PARD3: variants seen among roughly 807,000 people sequenced by gnomAD.
The protein encoded by PARD3 is partitioning defective 3 homolog.
A neutral mutation model predicts 155.4 loss-of-function variants in PARD3; 75 were observed. The ratio of observed to expected loss-of-function variants is 0.48; its 90% CI spans 0.40 to 0.58. The LOEUF (loss-of-function observed/expected upper bound fraction) is 0.58. PARD3 is among the 20% of genes least tolerant of loss of function. The pLI, the probability that PARD3 is intolerant of heterozygous loss-of-function variation, is 0.00. For missense variants in PARD3, 1,642 were observed against 1,721.7 expected, an observed-to-expected ratio of 0.95 and a Z score of 0.82; for synonymous variants, 576 against 610.5, an observed-to-expected ratio of 0.94 and a Z score of 0.83.
chr10:34,246,423 C>T (rs1217429038), intron 22 of PARD3, among the ~76,000 whole-genome samples: 1 of 152,172 alleles, frequency 6.6e-6, no homozygotes, highest in African/African-American at 2.4e-5. Context: ...CCCACCATCA[C>T]CTTGGCTTTC....
chr10:34,138,597 C>T (rs1381551567), intron 22 of PARD3, among the ~76,000 whole-genome samples: 2 of 152,156 alleles, frequency 1.3e-5, no homozygotes, highest in Non-Finnish European at 2.9e-5. Flanking sequence ...ACACAACTCA[C>T]AAAAAGGTAA....
intron 22 of PARD3, among the ~76,000 whole-genome samples, chr10:34,228,890 A>G (rs1952764684): frequency 6.6e-6 from 1 of 151,974 alleles, no homozygotes; most frequent in Non-Finnish European, 1.5e-5. Flanking sequence ...ATTATATTGA[A>G]GCTTCTCTCT....
intron 2 of PARD3, among the ~76,000 whole-genome samples, chr10:34,603,157 G>A (rs1467741877): frequency 6.6e-6 from 1 of 152,186 alleles, no homozygotes; most frequent in African/African-American, 2.4e-5. Flanking sequence ...AAAAATAAAT[G>A]TGGTGCTTAG....
chr10:34,132,815 C>A (rs1395565675), intron 22 of PARD3, among the ~76,000 whole-genome samples: 1 of 152,088 alleles, frequency 6.6e-6, no homozygotes, highest in Non-Finnish European at 1.5e-5. Context: ...ACCACGCCCC[C>A]CTATCCTGCA....
At chr10:34,715,359 G>A (rs1336516784) in intron 1 of PARD3, among the ~76,000 whole-genome samples, 11 of 152,086 alleles carry the variant, frequency 7.2e-5, no homozygotes, top group African/African-American at 1.7e-4. Context: ...GACTGCACCC[G>A]GCCCTGTGCA....
At chr10:34,481,338 G>T (rs1378616364) in intron 3 of PARD3, among the ~76,000 whole-genome samples, 1 of 152,076 alleles carries the variant, frequency 6.6e-6, no homozygotes, top group Non-Finnish European at 1.5e-5. Context: ...TGGTTAAGGG[G>T]CATAAGAAAT....
intron 22 of PARD3, among the ~76,000 whole-genome samples, chr10:34,237,201 A>G (rs116285832): frequency 2.0e-5 from 3 of 152,176 alleles, no homozygotes; most frequent in Non-Finnish European, 2.9e-5. Context: ...GTGAGGATGA[A>G]GGAAGCTGTT....
intron 2 of PARD3, among the ~76,000 whole-genome samples, chr10:34,615,794 A>G (rs1398035410): frequency 6.6e-6 from 1 of 152,228 alleles, no homozygotes; most frequent in Non-Finnish European, 1.5e-5. Context: ...CTAAATAGAG[A>G]GTTCTCAAAA....
At chr10:34,138,556 G>T (rs1948019421) in intron 22 of PARD3, among the ~76,000 whole-genome samples, 1 of 152,174 alleles carries the variant, frequency 6.6e-6, no homozygotes, top group Non-Finnish European at 1.5e-5. Context: ...TTCTGGCAGA[G>T]ATTGATGACC....
At chr10:34,714,766 C>A (rs907355572) in intron 1 of PARD3, among the ~76,000 whole-genome samples, 2 of 141,218 alleles carry the variant, frequency 1.4e-5, no homozygotes, top group African/African-American at 5.1e-5. Context: ...GCAAAGAACA[C>A]ACATCAAAAT....
chr10:34,599,588 T>A (rs1427705303), intron 2 of PARD3, among the ~76,000 whole-genome samples: 1 of 152,240 alleles, frequency 6.6e-6, no homozygotes, highest in Non-Finnish European at 1.5e-5. Flanking sequence ...AATTCAACTT[T>A]AAAATTTTAC....
chr10:34,348,775 C>T (rs78976144), intron 14 of PARD3, among the ~76,000 whole-genome samples: 3 of 151,922 alleles, frequency 2.0e-5, no homozygotes, highest in South Asian at 2.1e-4. Flanking sequence ...ATATGAAAAT[C>T]GGGACCAAAT....
chr10:34,119,980 G>C (rs1946896900), intron 23 of PARD3, among the ~76,000 whole-genome samples: 1 of 142,556 alleles, frequency 7.0e-6, no homozygotes, highest in Admixed American at 7.0e-5. Flanking sequence ...AAATTGAAGA[G>C]ATCAAACTTT....
At chr10:34,309,628 T>C (rs886994115) in intron 20 of PARD3, among the ~76,000 whole-genome samples, 2 of 145,846 alleles carry the variant, frequency 1.4e-5, no homozygotes, top group African/African-American at 5.1e-5. Context: ...GAAGAAATAA[T>C]TAAACATTGT....
intron 1 of PARD3, among the ~76,000 whole-genome samples, chr10:34,769,668 G>A (rs1265689686): frequency 1.3e-5 from 2 of 151,690 alleles, no homozygotes; most frequent in Non-Finnish European, 2.9e-5. Context: ...TGAAGTGGGA[G>A]GATCACTTGA....
intron 18 of PARD3, among the ~76,000 whole-genome samples, chr10:34,332,149 G>C (rs558200719): frequency 6.6e-6 from 1 of 152,204 alleles, no homozygotes; most frequent in South Asian, 2.1e-4. Context: ...GGATGACAGG[G>C]ACAAATTCCG....
At chr10:34,479,578 T>A (rs2078941925) in intron 3 of PARD3, among the ~76,000 whole-genome samples, 1 of 152,156 alleles carries the variant, frequency 6.6e-6, no homozygotes, top group Non-Finnish European at 1.5e-5. Flanking sequence ...TTATTTCCGA[T>A]AATATTCTTC....
intron 2 of PARD3, among the ~76,000 whole-genome samples, chr10:34,543,249 C>A (rs907016126): frequency 6.6e-6 from 1 of 151,830 alleles, no homozygotes; most frequent in South Asian, 2.1e-4. Context: ...CTAGCCTGGG[C>A]GTCAGAGCAA....
At chr10:34,779,915 C>T (rs1446137903) in intron 1 of PARD3, among the ~76,000 whole-genome samples, 2 of 152,222 alleles carry the variant, frequency 1.3e-5, no homozygotes, top group African/African-American at 4.8e-5. Flanking sequence ...TTGGGTCTGT[C>T]TTCTCTGAGT....
Sources: gnomAD v4.1 joint callset for allele counts (sites outside exome capture counted in the v4.1 genomes callset) on GRCh38, gnomAD v4.1.1 for gene constraint, MANE v1.5 for transcripts, NCBI Gene and HGNC (gene_info 2026-07-23, HGNC 2026-07-21) for gene names.